Variants in LRRC75B observed in about 807,000 individuals in gnomAD.
LRRC75B encodes leucine-rich repeat-containing protein 75B.
LRRC75B carries 20 observed loss-of-function variants against 16.5 expected under a neutral mutation model. The observed-to-expected ratio is 1.21, with a 90% CI of 0.85 to 1.76. LRRC75B has a LOEUF of 1.76. Among genes scored for constraint, LRRC75B ranks in the 40% most tolerant of loss-of-function variants. LRRC75B has a pLI of 0.00. For missense variants in LRRC75B, 406 were observed against 417.0 expected (o/e 0.97, Z 0.23); for synonymous variants, 199 against 198.1 (o/e 1.00, Z -0.04).
chr22:24,592,589 C>A, intron 1 of LRRC75B: 1 of 497,470 alleles, frequency 2.0e-6, no homozygotes, highest in Non-Finnish European at 3.6e-6. Context: ...TCTCAAACCC[C>A]AAAGACCCGG....
At chr22:24,587,512 G>C (rs1467419522) in intron 3 of LRRC75B, among the ~76,000 whole-genome samples, 1 of 152,238 alleles carries the variant, frequency 6.6e-6, no homozygotes, top group African/African-American at 2.4e-5. Flanking sequence ...TAGGCCCAAG[G>C]TGGGACAGGG....
At chr22:24,586,529 CTG>C (rs1310191941) in intron 3 of LRRC75B, 118 bp from the exon 4 acceptor site, 29 of 1,095,328 alleles carry the variant, frequency 2.6e-5, no homozygotes, top group Non-Finnish European at 3.6e-5. Context: ...CAGATTCAAA[CTG>C]TGTCTTTCGT....
chr22:24,591,298 C>T lies in LRRC75B; in HGVS notation c.178-1349G>A, dbSNP rs1209361784. Among the ~76,000 whole-genome samples the T allele has an allele frequency of 7.2e-5, 11 of 152,338 alleles. 1 individual carries two copies. In the South Asian group the frequency reaches 1.9e-3, roughly 26 times the overall value. ...TTCTCCATGTTGGTCAGGCTGGTCT[C>T]GAATTCCCGACTTCAGGTGATCTGC... On this transcript the variant is annotated intron_variant, in intron 1 of 3. Coordinates refer to ENST00000318753, the MANE Select transcript of LRRC75B (RefSeq NM_207644.3).
intron 2 of LRRC75B, 200 bp from the exon 3 acceptor site, chr22:24,588,529 T>C: frequency 1.3e-6 from 1 of 767,680 alleles, no homozygotes; most frequent in Non-Finnish European, 2.0e-6. Flanking sequence ...GGCTGCCCTC[T>C]GGGAGCTGGA....
chr22:24,588,465 G>A, intron 2 of LRRC75B, 136 bp from the exon 3 acceptor site: 2 of 791,200 alleles, frequency 2.5e-6, no homozygotes, highest in East Asian at 5.4e-5. Context: ...TGCCCACCAG[G>A]GCCTCCCCCT....
At chr22:24,589,747 C>A in intron 2 of LRRC75B, 74 bp downstream of exon 2, 2 of 1,478,692 alleles carry the variant, frequency 1.4e-6, no homozygotes, top group South Asian at 2.7e-5. Flanking sequence ...GCCTCCCAGT[C>A]CCCAGCCCTG....
chr22:24,586,540 G>A lies in LRRC75B; in HGVS notation c.423-129C>T, dbSNP rs373417012. The A allele has an allele frequency of 1.0e-4, 106 of 1,054,766 alleles. No individual in the cohort carries two copies. The South Asian group carries it at 1.4e-3, about 13-fold the overall frequency. The allele number at this position is 1,054,766 out of a possible 1,614,324, so 65.3% of individuals were successfully genotyped here. On this transcript the variant is annotated intron_variant, in intron 3 of 3. Transcript: ENST00000318753. ...AAGCCAGATTCAAACTGTGTCTTTCGTATTTTTTGAGACAAAGTTTCGCTC... is the reference window on the plus strand; with the variant it reads ...AAGCCAGATTCAAACTGTGTCTTTCATATTTTTTGAGACAAAGTTTCGCTC...
chr22:24,588,114 TG>T, intron 3 of LRRC75B, 99 bp downstream of exon 3: 2 of 919,562 alleles, frequency 2.2e-6, no homozygotes, highest in Non-Finnish European at 3.5e-6. Flanking sequence ...CCTCACCAGG[TG>T]GGATTTCAGC....
At chr22:24,592,650 C>T in intron 1 of LRRC75B, 1 of 779,422 alleles carries the variant, frequency 1.3e-6, no homozygotes, top group South Asian at 1.9e-5. Flanking sequence ...TCACCCAGCC[C>T]TCACTCCAGG....
At chr22:24,592,630 T>C (rs981970317) in intron 1 of LRRC75B, 13 of 604,510 alleles carry the variant, frequency 2.2e-5, no homozygotes, top group Non-Finnish European at 3.5e-5. Flanking sequence ...CTCCACACGG[T>C]CCGCCGACCT....
chr22:24,592,992 C>T lies in LRRC75B; in HGVS notation c.48G>A (p.Glu16=). The change falls in exon 1 of 4, where the codon GAG becomes GAA. Residue 16 remains glutamate (E), a synonymous_variant. Coordinates refer to ENST00000318753, the MANE Select transcript of LRRC75B (RefSeq NM_207644.3). ...GRRAGPEAGS[E]AGAAAGCGPA... is the part of the protein sequence containing the mutation. ...GCCCGCAGCCGGCCGCCGCCCCGGC[C>T]TCAGAGCCAGCCTCGGGCCCGGCCC... 1 of 1,154,188 alleles carries T rather than the reference C, an allele frequency of 8.7e-7. No homozygotes were observed. The highest frequency in any genetic ancestry group is 1.1e-6 in the Non-Finnish European group (1 of 938,472). 71.5% of individuals were successfully genotyped at this position (1,154,188 alleles called of 1,614,324 possible).
chr22:24,588,345 G>A lies in LRRC75B; in HGVS notation c.307-16C>T. On this transcript the variant is annotated splice_polypyrimidine_tract_variant and intron_variant, in intron 2 of 3. Transcript: ENST00000318753. The stretch of plus-strand genomic sequence containing the variant: ...GCTCATAGTCCTGTGGGAGGGCAGT[G>A]TCACCATGGTGAATCTGAGCCCCTC... 1 of 1,591,044 alleles carries A rather than the reference G, an allele frequency of 6.3e-7. No homozygotes were observed. The highest frequency in any genetic ancestry group is 8.6e-7 in the Non-Finnish European group (1 of 1,161,346).
chr22:24,589,338 T>C, intron 2 of LRRC75B: 1 of 1,155,262 alleles, frequency 8.7e-7, no homozygotes, highest in Non-Finnish European at 1.1e-6. Context: ...ACCCCAGCTG[T>C]TGTAGGGGAA....
Position 24,593,044 on chromosome 22 carries a change from G to A in LRRC75B, c.-5C>T. The A allele has an allele frequency of 9.6e-7, 1 of 1,042,702 alleles. No homozygotes were observed. Among genetic ancestry groups the A allele is most frequent in the Non-Finnish European group, 1.2e-6 (1 of 868,416 alleles). The allele number at this position is 1,042,702 out of a possible 1,614,324, so 64.6% of individuals were successfully genotyped here. ...CCGGCCCAGCCGCGCCCCCATGGCC[G>A]CCGCGCGATGGTCGCCGAACCCACA... On this transcript the variant is annotated 5_prime_UTR_variant, in exon 1 of 4. Coordinates refer to ENST00000318753, the MANE Select transcript of LRRC75B (RefSeq NM_207644.3).
intron 3 of LRRC75B, 23 bp from the exon 4 acceptor site, chr22:24,586,434 G>T: frequency 6.3e-7 from 1 of 1,591,710 alleles, no homozygotes; most frequent in South Asian, 1.1e-5. Context: ...GGCAGGTGGG[G>T]ATGGACTAGG....
chr22:24,592,610 C>G (rs2147176859), intron 1 of LRRC75B: 1 of 530,316 alleles, frequency 1.9e-6, no homozygotes, highest in East Asian at 4.0e-5. Flanking sequence ...ACACACTCAG[C>G]AGCCCCCTCC....
chr22:24,587,226 C>G (rs1448395567), intron 3 of LRRC75B, among the ~76,000 whole-genome samples: 1 of 152,142 alleles, frequency 6.6e-6, no homozygotes, highest in African/African-American at 2.4e-5. Context: ...TAGAGAGGGA[C>G]AGGCCCACAG....
Position 24,588,250 on chromosome 22 carries a change from T to C in LRRC75B, c.386A>G (p.Gln129Arg), listed in dbSNP as rs1402211431. Reference protein sequence around the residue: ...YHLTPHSKQQQGSSLRQRKTQ... With the variant: ...YHLTPHSKQQRGSSLRQRKTQ... ...CTTCCTCTGGCGCAGGCTGGACCCT[T>C]GCTGCTGCTTCGAGTGAGGGGTGAG... The change falls in exon 3 of 4, where the codon CAA becomes CGA. Residue 129 changes from glutamine (Q) to arginine (R), a missense_variant. Transcript: ENST00000318753. 2 of 1,613,526 alleles carry C rather than the reference T, an allele frequency of 1.2e-6. No homozygotes were observed. The highest frequency in any genetic ancestry group is 1.7e-5 in the Admixed American group (1 of 60,010).
At position 24,586,284 on chromosome 22, in the gene LRRC75B, C is replaced by T; in HGVS notation, c.550G>A (p.Val184Met). ...YLSSHGAVLA[V>M]LDLSFTGLSD... Reference sequence around the variant, plus strand: ...AGCCCCGTGAAGCTCAGGTCCAGCACCGCCAGCACAGCACCATGGCTGCTC... The same window carrying T: ...AGCCCCGTGAAGCTCAGGTCCAGCATCGCCAGCACAGCACCATGGCTGCTC... Residue 184 changes from valine to methionine, a missense_variant, in exon 4 of 4, where the codon GTG becomes ATG. By Grantham distance (21) the Val-to-Met change is conservative (BLOSUM62 1). Coordinates refer to ENST00000318753, the MANE Select transcript of LRRC75B (RefSeq NM_207644.3). 6.2e-7 allele frequency: 1 copy of T among 1,613,984 alleles called. No individual in the cohort carries two copies. The highest frequency in any genetic ancestry group is 8.5e-7 in the Non-Finnish European group (1 of 1,180,052).
Sources: gnomAD v4.1 joint callset for allele counts (sites outside exome capture counted in the v4.1 genomes callset) on GRCh38, gnomAD v4.1.1 for gene constraint, MANE v1.5 for transcripts, NCBI Gene and HGNC (gene_info 2026-07-23, HGNC 2026-07-21) for gene names.